Variants in RFX3 observed in about 807,000 individuals in gnomAD.
RFX3 encodes the protein transcription factor RFX3.
RFX3 carries 14 observed loss-of-function variants against 98.6 expected under a neutral mutation model. The observed-to-expected ratio is 0.14, with a 90% CI of 0.09 to 0.22. RFX3 has a LOEUF of 0.22. RFX3 is among the 10% of genes least tolerant of loss of function. The pLI, the probability that RFX3 is intolerant of heterozygous loss-of-function variation, is 1.00. For missense variants in RFX3, 639 were observed against 926.9 expected (o/e 0.69, Z 4.03); for synonymous variants, 383 against 328.4 (o/e 1.17, Z -1.80).
chr9:3,294,093 G>C (rs934158209), intron 5 of RFX3, among the ~76,000 whole-genome samples: 1 of 152,018 alleles, frequency 6.6e-6, no homozygotes, highest in African/African-American at 2.4e-5. Flanking sequence ...TTAGAAAATT[G>C]AATCCAAGTC....
intron 11 of RFX3, among the ~76,000 whole-genome samples, chr9:3,270,070 AAGAGAAAGAAGGAAAGAAAG>A (rs1209588619): frequency 7.9e-6 from 1 of 127,250 alleles, no homozygotes; most frequent in Non-Finnish European, 1.6e-5. Flanking sequence ...AAAAGAAAGA[AAGAGAAAGAAGGAAAGAAAG>A]AAAGAAAGAA....
At chr9:3,391,383 G>A (rs979646284) in intron 2 of RFX3, among the ~76,000 whole-genome samples, 1 of 152,120 alleles carries the variant, frequency 6.6e-6, no homozygotes, top group Non-Finnish European at 1.5e-5. Context: ...ATAAGTCTGG[G>A]AGGACAACAT....
chr9:3,266,354 TTAA>T, intron 11 of RFX3, 49 bp from the exon 12 acceptor site: 2 of 1,206,716 alleles, frequency 1.7e-6, no homozygotes, highest in Non-Finnish European at 2.4e-6. Flanking sequence ...TGAAAGAATA[TTAA>T]TGTTTGTGCT....
At chr9:3,356,569 A>G (rs541665983) in intron 2 of RFX3, among the ~76,000 whole-genome samples, 35 of 151,892 alleles carry the variant, frequency 2.3e-4, no homozygotes, top group Non-Finnish European at 4.4e-4. Flanking sequence ...AAAAATTGCC[A>G]ATCTAACACA....
At chr9:3,512,416 T>A (rs538216301) in intron 1 of RFX3, among the ~76,000 whole-genome samples, 48 of 152,112 alleles carry the variant, frequency 3.2e-4, no homozygotes, top group Middle Eastern at 6.8e-3. Context: ...TATATACATT[T>A]ATGGTACACA....
intron 11 of RFX3, among the ~76,000 whole-genome samples, chr9:3,268,148 T>G (rs1019911580): frequency 6.6e-6 from 1 of 151,820 alleles, no homozygotes; most frequent in Non-Finnish European, 1.5e-5. Context: ...ACAATTAACG[T>G]TTTTTTCATT....
At chr9:3,340,436 C>A (rs1587172676) in intron 3 of RFX3, among the ~76,000 whole-genome samples, 1 of 152,180 alleles carries the variant, frequency 6.6e-6, no homozygotes, top group East Asian at 1.9e-4. Context: ...TTCTGCACAG[C>A]AAAAGAAACT....
At chr9:3,272,284 T>A (rs1484369452) in intron 9 of RFX3, among the ~76,000 whole-genome samples, 1 of 152,136 alleles carries the variant, frequency 6.6e-6, no homozygotes, top group Non-Finnish European at 1.5e-5. Context: ...CAAAGATCTA[T>A]AAAATTCGTG....
Position 3,413,692 on chromosome 9 carries a change from T to C in RFX3, c.-8-18096A>G, listed in dbSNP as rs182051805. 2.0e-5 allele frequency among the ~76,000 whole-genome samples: 3 copies of C among 152,254 alleles called. 1 individual carries two copies. The highest frequency in any genetic ancestry group is 4.4e-5 in the Non-Finnish European group (3 of 67,954). On this transcript the variant is annotated intron_variant, in intron 1 of 16. Transcript: ENST00000617270. Reference sequence around the variant, plus strand: ...ATGTGAAATTCACCCTAACAGTTCATTGCTTTAACACCTTTTGAGTAGAGA... The same window carrying C: ...ATGTGAAATTCACCCTAACAGTTCACTGCTTTAACACCTTTTGAGTAGAGA...
chr9:3,234,569 G>A (rs1338752255), intron 15 of RFX3, among the ~76,000 whole-genome samples: 1 of 152,146 alleles, frequency 6.6e-6, no homozygotes, highest in Non-Finnish European at 1.5e-5. Context: ...GTCCAAGGTG[G>A]TCGAGGCTGC....
chr9:3,322,726 C>A (rs898032307), intron 4 of RFX3, among the ~76,000 whole-genome samples: 1 of 152,032 alleles, frequency 6.6e-6, no homozygotes, highest in Non-Finnish European at 1.5e-5. Context: ...GAGTGAGACT[C>A]CATCTCGAAA....
intron 6 of RFX3, among the ~76,000 whole-genome samples, chr9:3,289,584 A>T (rs1827072912): frequency 6.6e-6 from 1 of 152,278 alleles, no homozygotes; most frequent in Non-Finnish European, 1.5e-5. Context: ...ACAAAACTAC[A>T]GAGGAAAATG....
intron 3 of RFX3, among the ~76,000 whole-genome samples, chr9:3,344,081 A>C (rs1200653213): frequency 6.6e-6 from 1 of 152,208 alleles, no homozygotes; most frequent in Admixed American, 6.5e-5. Flanking sequence ...GGAAGACCCT[A>C]ATATCAGCAG....
At chr9:3,381,235 C>A (rs1378413094) in intron 2 of RFX3, among the ~76,000 whole-genome samples, 1 of 151,682 alleles carries the variant, frequency 6.6e-6, no homozygotes, top group Non-Finnish European at 1.5e-5. Context: ...AAAAAAAATT[C>A]CCAAAATTAT....
chr9:3,374,453 G>T lies in RFX3; in HGVS notation c.117+21019C>A, dbSNP rs555916914. Among the ~76,000 whole-genome samples the T allele has an allele frequency of 9.2e-5, 14 of 152,216 alleles. No homozygotes were observed. The South Asian group carries it at 2.3e-3, about 25-fold the overall frequency. On this transcript the variant is annotated intron_variant, in intron 2 of 16. Coordinates refer to ENST00000617270, the MANE Select transcript of RFX3 (RefSeq NM_001282116.2). The stretch of plus-strand genomic sequence containing the variant: ...TTCACAAGGGCAGGGCCAAAAGGTG[G>T]AAGCAACCCAAGTATCCAAGGGAAG...
intron 1 of RFX3, among the ~76,000 whole-genome samples, chr9:3,485,428 G>C (rs530315901): frequency 6.6e-6 from 1 of 152,294 alleles, no homozygotes; most frequent in South Asian, 2.1e-4. Flanking sequence ...GAATTAGTAA[G>C]TGAGTGAACC....
At chr9:3,282,892 T>C (rs1347016138) in intron 7 of RFX3, among the ~76,000 whole-genome samples, 1 of 151,766 alleles carries the variant, frequency 6.6e-6, no homozygotes, top group African/African-American at 2.4e-5. Context: ...AGTTTCCTTA[T>C]CAGTAAGTAA....
chr9:3,361,897 T>C (rs1836502118), intron 2 of RFX3, among the ~76,000 whole-genome samples: 1 of 151,916 alleles, frequency 6.6e-6, no homozygotes, highest in Non-Finnish European at 1.5e-5. Context: ...CAGTGAGCCA[T>C]GATTGTGCCA....
intron 1 of RFX3, 65 bp from the exon 2 acceptor site, chr9:3,395,661 A>G (rs1434986305): frequency 6.4e-7 from 1 of 1,556,882 alleles, no homozygotes; most frequent in Non-Finnish European, 8.8e-7. Context: ...CTTCCTTACA[A>G]TTGTTCTTAA....
Sources: allele counts gnomAD v4.1 joint callset (sites outside exome capture counted in the v4.1 genomes callset), GRCh38; gene constraint gnomAD v4.1.1; transcripts MANE v1.5; gene names NCBI Gene and HGNC (gene_info 2026-07-23, HGNC 2026-07-21).